The following CLSTN1 variants were observed in gnomAD, a reference collection of about 807,000 sequenced individuals.
The protein encoded by CLSTN1 is calsyntenin 1.
Under a neutral mutation model 108.3 loss-of-function variants are expected in CLSTN1, and 28 were observed. The ratio of observed to expected loss-of-function variants is 0.26; its 90% confidence interval spans 0.19 to 0.35. The LOEUF is 0.35. Ranked by LOEUF, CLSTN1 falls within the 10% of genes least tolerant of loss-of-function variation. The probability of loss-of-function intolerance (pLI) is 1.00; values close to 1 mark genes in which losing one functional copy is unlikely to be tolerated. For synonymous variants in CLSTN1, 524 were observed against 534.9 expected (o/e 0.98, Z 0.28); for missense variants, 1,157 against 1,302.6 (o/e 0.89, Z 1.72).
At chr1:9,789,425 G>A (rs780137019) in intron 1 of CLSTN1, among the ~76,000 whole-genome samples, 2 of 151,188 alleles carry the variant, frequency 1.3e-5, no homozygotes, top group South Asian at 2.2e-4. Context: ...TTACCTTCTC[G>A]TATTGTGTAA....
rs762381732 is a variant in CLSTN1 at position 9,741,080 on chromosome 1, G to A, written c.1519+14C>T. On this transcript the variant is annotated intron_variant, in intron 10 of 18. Transcript: ENST00000377298. The stretch of plus-strand genomic sequence containing the variant: ...TTAATTCTCGAGTCGAGGGCGGGGG[G>A]TAATGACAGGTACCTTGCCAGCAAG... The A allele has an allele frequency of 6.2e-7, 1 of 1,610,032 alleles. No individual in the cohort carries two copies. The highest frequency in any genetic ancestry group is 1.7e-5 in the Admixed American group (1 of 59,916).
rs757629219 is a variant in CLSTN1 at position 9,735,985 on chromosome 1, C to T, written c.1634G>A (p.Arg545His). The T allele has an allele frequency of 2.5e-5, 40 of 1,614,038 alleles. No individual in the cohort carries two copies. The East Asian group carries it at 3.6e-4, about 14-fold the overall frequency. The change falls in exon 12 of 19, where the codon CGT becomes CAT. Residue 545 changes from arginine (R) to histidine (H), a missense_variant. Physicochemically the swap from Arg to His is conservative, Grantham distance 29. Coordinates refer to ENST00000377298, the MANE Select transcript of CLSTN1 (RefSeq NM_001009566.3). Reference protein sequence around the residue: ...FRGNLAGLTLRSGKLADKKVI... With the variant: ...FRGNLAGLTLHSGKLADKKVI... ...CTTCTTATCCGCGAGTTTCCCGGAA[C>T]GGAGAGTTAAGCCAGCCAGATTGCC...
chr1:9,743,028 G>T (rs1651057535), intron 9 of CLSTN1, among the ~76,000 whole-genome samples: 1 of 151,924 alleles, frequency 6.6e-6, no homozygotes, highest in Non-Finnish European at 1.5e-5. Flanking sequence ...ATTATTTTTA[G>T]ACACTATTAT....
chr1:9,756,598 A>ATT, intron 2 of CLSTN1, 88 bp from the exon 3 acceptor site: 1 of 1,090,958 alleles, frequency 9.2e-7, no homozygotes, highest in Non-Finnish European at 1.4e-6. Flanking sequence ...AGGTGCACAT[A>ATT]TTACACATTT....
intron 11 of CLSTN1, 29 bp downstream of exon 11, chr1:9,737,469 T>C (rs370287511): frequency 8.6e-5 from 138 of 1,598,472 alleles, no homozygotes; most frequent in Middle Eastern, 8.3e-4. Flanking sequence ...TGAAACACAA[T>C]AGTGAATGTA....
chr1:9,744,783 C>G (rs1651173927), intron 7 of CLSTN1, 140 bp from the exon 8 acceptor site: 1 of 1,066,658 alleles, frequency 9.4e-7, no homozygotes. Context: ...GAGACAGAGT[C>G]TTGCTTTGTC....
At chr1:9,752,649 G>T (rs1651607336) in intron 4 of CLSTN1, among the ~76,000 whole-genome samples, 1 of 152,016 alleles carries the variant, frequency 6.6e-6, no homozygotes, top group Non-Finnish European at 1.5e-5. Context: ...GGTCACCAGA[G>T]GTCAGAGTTA....
intron 2 of CLSTN1, among the ~76,000 whole-genome samples, chr1:9,766,964 A>C (rs1278307500): frequency 2.0e-5 from 3 of 152,212 alleles, no homozygotes; most frequent in African/African-American, 7.2e-5. Context: ...GTGGCTACCC[A>C]CACACACATG....
intron 1 of CLSTN1, among the ~76,000 whole-genome samples, chr1:9,812,092 G>C (rs185717715): frequency 6.6e-6 from 1 of 151,958 alleles, no homozygotes; most frequent in African/African-American, 2.4e-5. Context: ...AGCCGAGATC[G>C]CACCACTGTA....
rs569863875 is a variant in CLSTN1, at chr1:9,758,441, G to A, written c.215-1931C>T. Reference sequence around the variant, plus strand: ...CGATTCTCATGCCTCAGCCTCCCAAGCAGCTGGGATTACAGGCGCCTGCCA... The same window carrying A: ...CGATTCTCATGCCTCAGCCTCCCAAACAGCTGGGATTACAGGCGCCTGCCA... On this transcript the variant is annotated intron_variant, in intron 2 of 18. Coordinates refer to ENST00000377298, the MANE Select transcript of CLSTN1 (RefSeq NM_001009566.3). 9.0e-4 allele frequency among the ~76,000 whole-genome samples: 137 copies of A among 151,916 alleles called. 1 individual carries two copies. Among genetic ancestry groups the A allele is most frequent in the African/African-American group, 3.2e-3 (133 of 41,410 alleles).
At chr1:9,770,029 CAAA>C (rs5772376) in intron 2 of CLSTN1, among the ~76,000 whole-genome samples, 21 of 115,762 alleles carry the variant, frequency 1.8e-4, no homozygotes, top group Non-Finnish European at 2.8e-4. Flanking sequence ...GACTCCGTCT[CAAA>C]AAAAAAAAAA....
At chr1:9,750,472 C>G (rs1265072843) in intron 5 of CLSTN1, among the ~76,000 whole-genome samples, 1 of 151,918 alleles carries the variant, frequency 6.6e-6, no homozygotes, top group Non-Finnish European at 1.5e-5. Context: ...GTCTCGTTCT[C>G]TTGCCCAGGC....
chr1:9,800,457 C>T (rs112166610), intron 1 of CLSTN1, among the ~76,000 whole-genome samples: 3 of 150,682 alleles, frequency 2.0e-5, no homozygotes, highest in East Asian at 3.9e-4. Context: ...TGGTGGTTCA[C>T]GCCTGTAATC....
chr1:9,807,043 T>C (rs1330033935), intron 1 of CLSTN1, among the ~76,000 whole-genome samples: 5 of 151,734 alleles, frequency 3.3e-5, no homozygotes, highest in Non-Finnish European at 7.4e-5. Flanking sequence ...TTGCCTAAAG[T>C]GTGTTCCCCG....
At chr1:9,752,097 G>GGGAA (rs1651586397) in intron 4 of CLSTN1, among the ~76,000 whole-genome samples, 1 of 152,060 alleles carries the variant, frequency 6.6e-6, no homozygotes, top group Non-Finnish European at 1.5e-5. Context: ...ATAGAGCCAA[G>GGGAA]GGAAGAAGGG....
chr1:9,759,260 T>G (rs113327407), intron 2 of CLSTN1, among the ~76,000 whole-genome samples: 10 of 152,336 alleles, frequency 6.6e-5, no homozygotes, highest in African/African-American at 2.4e-4. Flanking sequence ...GAATTTCAAA[T>G]ACAAATACAG....
chr1:9,741,856 G>A (rs1241040360), intron 9 of CLSTN1, among the ~76,000 whole-genome samples: 3 of 152,192 alleles, frequency 2.0e-5, no homozygotes, highest in Non-Finnish European at 4.4e-5. Flanking sequence ...AGGTTGCGGT[G>A]AGCCGAGATT....
Position 9,823,777 on chromosome 1 carries a change from G to C in CLSTN1, c.-44C>G, listed in dbSNP as rs1416452194. ...GCGGCAGGGAGGCGCGCGGGACGCC[G>C]AGCGGAGCTCTCGGAGCTCTCGGGG... is the stretch of plus-strand genomic sequence containing the variant. On this transcript the variant is annotated 5_prime_UTR_variant, in exon 1 of 19. Transcript: ENST00000377298. This position sits in a 1 kb window ranked among gnomAD's most constrained non-coding sequence, Gnocchi z 6.3. The C allele has an allele frequency of 4.2e-6, 4 of 960,476 alleles. No homozygotes were observed. 59.5% of individuals were successfully genotyped at this position (960,476 alleles called of 1,614,324 possible).
rs752892610 is a variant in CLSTN1, at chr1:9,749,533, G to A, written c.913C>T (p.Leu305=). Residue 305 remains leucine (L), a synonymous_variant, in exon 7 of 19, where the codon CTA becomes TTA. Coordinates refer to ENST00000377298, the MANE Select transcript of CLSTN1 (RefSeq NM_001009566.3). ...CCTTTCCCTATGTGGCTGGTTTCTA[G>A]CTCCACTGTGGCCTGTACTGAGGCG... The part of the protein sequence containing the change: ...PVASVQATVE[L]ETSHIGKGCD... The A allele has an allele frequency of 6.2e-7, 1 of 1,614,192 alleles. No homozygotes were observed. Among genetic ancestry groups the A allele is most frequent in the Non-Finnish European group, 8.5e-7 (1 of 1,180,028 alleles).
Sources: gnomAD v4.1 joint callset for allele counts (sites outside exome capture counted in the v4.1 genomes callset) on GRCh38, gnomAD v4.1.1 for gene constraint, Gnocchi (gnomAD v3.1) non-coding constraint, MANE v1.5 for transcripts, NCBI Gene and HGNC (gene_info 2026-07-23, HGNC 2026-07-21) for gene names.